COL4A4: variants seen among roughly 807,000 people sequenced by gnomAD.
The protein encoded by COL4A4 is collagen alpha-4(IV) chain.
COL4A4 carries 105 observed loss-of-function variants against 192.9 expected under a neutral mutation model. The ratio of observed to expected loss-of-function variants is 0.54; its 90% CI spans 0.46 to 0.64. COL4A4 has a LOEUF of 0.64. Among genes scored for constraint, COL4A4 ranks in the 30% least tolerant of loss-of-function variants. The probability of loss-of-function intolerance (pLI) is 0.00; values close to 1 mark genes in which losing one functional copy is unlikely to be tolerated. For synonymous variants in COL4A4, 762 were observed against 769.9 expected, an observed-to-expected ratio of 0.99 and a Z score of 0.17; for missense variants, 1,967 against 2,169.3, an observed-to-expected ratio of 0.91 and a Z score of 1.85.
intron 4 of COL4A4, among the ~76,000 whole-genome samples, chr2:227,124,909 C>T (rs1229382399): frequency 2.0e-5 from 3 of 152,046 alleles, no homozygotes; most frequent in African/African-American, 7.2e-5. Flanking sequence ...ATAAACTTCC[C>T]CAAATTATCT....
At chr2:227,094,102 G>A (rs1449871643) in intron 20 of COL4A4, 23 bp downstream of exon 20, 1 of 1,607,506 alleles carries the variant, frequency 6.2e-7, no homozygotes, top group Admixed American at 1.7e-5. Context: ...AATGCTAATG[G>A]ATATGAATAA....
At chr2:226,988,461 G>A in the COL4A4 span, 1 of 1,548,494 alleles carries the variant, frequency 6.5e-7, no homozygotes, top group African/African-American at 1.4e-5. Context: ...ATCCTTTGAG[G>A]CTGCAGGGTC....
At chr2:227,044,189 C>T (rs949880252) in intron 35 of COL4A4, among the ~76,000 whole-genome samples, 3 of 152,166 alleles carry the variant, frequency 2.0e-5, no homozygotes, top group Non-Finnish European at 2.9e-5. Context: ...AAGAGCATGC[C>T]GTGTTCTTAC....
chr2:227,046,945 G>A (rs3754846), intron 35 of COL4A4, among the ~76,000 whole-genome samples: 12,119 of 152,020 alleles, frequency 0.08, 547 homozygotes, highest in East Asian at 0.18. Flanking sequence ...TTTCTTGTTG[G>A]TGATGAGGTT....
rs79213192 is a variant in COL4A4 at position 227,044,348 on chromosome 2, C to T, written c.3290-1164G>A. ...ATTTACAATGTATGAGTTTAATGCA[C>T]GTTTATGGGATAAACCAATAGTGTG... On this transcript the variant is annotated intron_variant, in intron 35 of 47. Coordinates refer to ENST00000396625, the MANE Select transcript of COL4A4 (RefSeq NM_000092.5). Among the ~76,000 whole-genome samples the T allele has an allele frequency of 6.0e-3, 921 of 152,272 alleles. 11 individuals carry two copies. The highest frequency in any genetic ancestry group is 0.021 in the African/African-American group (868 of 41,548).
At chr2:227,030,659 G>T in intron 40 of COL4A4, 61 bp from the exon 41 acceptor site, 1 of 1,361,082 alleles carries the variant, frequency 7.3e-7, no homozygotes, top group African/African-American at 1.5e-5. Flanking sequence ...TATACTGGCT[G>T]CTTGACAGCT....
the COL4A4 span, among the ~76,000 whole-genome samples, chr2:226,978,184 C>T: frequency 6.6e-5 from 10 of 152,342 alleles, no homozygotes; most frequent in East Asian, 1.9e-3. Context: ...AACGCTGTTA[C>T]ACTTGGACTA....
intron 43 of COL4A4, among the ~76,000 whole-genome samples, chr2:227,024,617 T>C (rs1966651593): frequency 6.6e-6 from 1 of 152,204 alleles, no homozygotes; most frequent in Non-Finnish European, 1.5e-5. Context: ...TAACAAAATG[T>C]GGCATAACAA....
At chr2:227,062,372 A>G (rs1052417394) in intron 26 of COL4A4, among the ~76,000 whole-genome samples, 158 bp downstream of exon 26, 8 of 152,272 alleles carry the variant, frequency 5.3e-5, no homozygotes, top group East Asian at 1.9e-4. Flanking sequence ...GCCCAACTAC[A>G]AATTACTACA....
rs765980443 is a variant in COL4A4 at position 227,108,877 on chromosome 2, A to G, written c.658-9T>C. 7 of 1,610,744 alleles carry G rather than the reference A, an allele frequency of 4.3e-6. No homozygotes were observed. The African/African-American group carries it at 9.4e-5, about 22-fold the overall frequency. The stretch of plus-strand genomic sequence containing the variant: ...GGTTGGCCCGGAGGTCCCTAAATCA[A>G]GGGAGAAAAAAACACAAATCAATCA... On this transcript the variant is annotated splice_polypyrimidine_tract_variant and intron_variant, in intron 10 of 47. Coordinates refer to ENST00000396625, the MANE Select transcript of COL4A4 (RefSeq NM_000092.5).
At chr2:227,020,335 G>T (rs976068921) in intron 44 of COL4A4, among the ~76,000 whole-genome samples, 1 of 152,112 alleles carries the variant, frequency 6.6e-6, no homozygotes, top group African/African-American at 2.4e-5. Flanking sequence ...GGAGTATCAA[G>T]AAAGATGAGT....
chr2:227,113,024 A>T (rs1159975480), intron 8 of COL4A4, among the ~76,000 whole-genome samples: 2 of 152,196 alleles, frequency 1.3e-5, no homozygotes, highest in Non-Finnish European at 2.9e-5. Flanking sequence ...ATGAACATGC[A>T]TGTACAAATA....
At chr2:227,159,820 A>G (rs1432816408) in intron 1 of COL4A4, among the ~76,000 whole-genome samples, 2 of 152,188 alleles carry the variant, frequency 1.3e-5, no homozygotes, top group African/African-American at 2.4e-5. Flanking sequence ...TCTTTTCTTT[A>G]TAAATTACCC....
rs757340940 is a variant in COL4A4, at chr2:227,103,126, G to A, written c.870+18C>T. 6 of 1,588,056 alleles carry A rather than the reference G, an allele frequency of 3.8e-6. No homozygotes were observed. The Admixed American group carries it at 1.0e-4, about 28-fold the overall frequency. ...ACATCACACAAATGAAAAAAAAAAAGGTACTTAAATAAACTACCTTGCGTC... is the reference window on the plus strand; with the variant it reads ...ACATCACACAAATGAAAAAAAAAAAAGTACTTAAATAAACTACCTTGCGTC... On this transcript the variant is annotated intron_variant, in intron 14 of 47. Coordinates refer to ENST00000396625, the MANE Select transcript of COL4A4 (RefSeq NM_000092.5).
chr2:227,000,160 A>G (rs10189579), downstream of COL4A4, among the ~76,000 whole-genome samples: 66,358 of 152,030 alleles, frequency 0.44, 14,594 homozygotes, highest in South Asian at 0.58. Flanking sequence ...CAAGGTCTTC[A>G]GACTCTCGTT....
rs185104198 is a variant in COL4A4, at chr2:227,091,885, C to T, written c.1370-1928G>A. Among the ~76,000 whole-genome samples the T allele has an allele frequency of 2.7e-3, 396 of 146,144 alleles. 1 individual carries two copies. Among genetic ancestry groups the T allele is most frequent in the Non-Finnish European group, 4.5e-3 (303 of 67,288 alleles). On this transcript the variant is annotated intron_variant, in intron 20 of 47. Coordinates refer to ENST00000396625, the MANE Select transcript of COL4A4 (RefSeq NM_000092.5). ...CACTCCAGCCTGGGCAAGAGTAACA[C>T]TCTGTCTCAGGAAGAAAAAAGAAAG... is the stretch of plus-strand genomic sequence containing the variant.
chr2:227,026,104 T>C (rs1299243764), intron 42 of COL4A4, among the ~76,000 whole-genome samples: 1 of 152,164 alleles, frequency 6.6e-6, no homozygotes, highest in African/African-American at 2.4e-5. Context: ...AAATATCCTC[T>C]AATTTAATGC....
At chr2:227,040,661 G>A (rs997076029) in intron 37 of COL4A4, among the ~76,000 whole-genome samples, 6 of 151,522 alleles carry the variant, frequency 4.0e-5, no homozygotes, top group African/African-American at 1.5e-4. Flanking sequence ...CACCTTCCAG[G>A]TTCAAGCAAT....
chr2:227,115,643 C>T (rs2061454096), intron 7 of COL4A4, among the ~76,000 whole-genome samples: 1 of 152,110 alleles, frequency 6.6e-6, no homozygotes, highest in Non-Finnish European at 1.5e-5. Context: ...ATATCAAGCT[C>T]ATATGAAAGA....
Sources: allele counts gnomAD v4.1 joint callset (sites outside exome capture counted in the v4.1 genomes callset), GRCh38; gene constraint gnomAD v4.1.1; transcripts MANE v1.5; gene names NCBI Gene and HGNC (gene_info 2026-07-23, HGNC 2026-07-21).